The following CTIF variants were observed in gnomAD, a reference collection of about 807,000 sequenced individuals.
CTIF encodes cap binding complex dependent translation initiation factor, also known as CBP80/20-dependent translation initiation factor.
A neutral mutation model predicts 66.0 loss-of-function variants in CTIF; 21 were observed. The ratio of observed to expected loss-of-function variants is 0.32; its 90% confidence interval spans 0.23 to 0.46. The LOEUF is 0.46. Among genes scored for constraint, CTIF ranks in the 20% least tolerant of loss-of-function variants. The pLI, the probability that CTIF is intolerant of heterozygous loss-of-function variation, is 1.00. For synonymous variants in CTIF, 345 were observed against 326.4 expected (o/e 1.06, Z -0.62); for missense variants, 739 against 812.7 (o/e 0.91, Z 1.10).
At position 48,761,958 on chromosome 18, in the gene CTIF, T is replaced by C. The variant is rs749158719; in HGVS notation, c.1371+269T>C. ...TGTTTAACCAGCCTTTCCCACTTTC[T>C]ATTTTCATAAGAGGCTGGCTCTTGG... On this transcript the variant is annotated intron_variant, in intron 9 of 11. Transcript: ENST00000256413. This position sits in a 1 kb window ranked among gnomAD's most constrained non-coding sequence, Gnocchi z 4.2. Among the ~76,000 whole-genome samples, 3 of 152,238 alleles carry C rather than the reference T, an allele frequency of 2.0e-5. No individual in the cohort carries two copies. Among genetic ancestry groups the C allele is most frequent in the Admixed American group, 1.3e-4 (2 of 15,282 alleles).
chr18:48,570,591 G>T (rs2089394099), intron 1 of CTIF, among the ~76,000 whole-genome samples: 1 of 152,202 alleles, frequency 6.6e-6, no homozygotes, highest in Admixed American at 6.5e-5. Flanking sequence ...TGGGGGGTGG[G>T]GGGAGCAGTG....
At chr18:48,647,549 T>C (rs1009743668) in intron 3 of CTIF, among the ~76,000 whole-genome samples, 6 of 152,268 alleles carry the variant, frequency 3.9e-5, no homozygotes, top group African/African-American at 1.4e-4. Flanking sequence ...GTATTATTTT[T>C]TACAAGTATG....
chr18:48,592,278 C>T (rs917071013), intron 1 of CTIF, among the ~76,000 whole-genome samples: 5 of 151,936 alleles, frequency 3.3e-5, no homozygotes, highest in African/African-American at 7.3e-5. Context: ...CTGAGGTGGG[C>T]GGATCAACTG....
intron 6 of CTIF, chr18:48,673,767 A>G (rs543849125): frequency 3.3e-5 from 5 of 152,288 alleles, no homozygotes; most frequent in African/African-American, 9.6e-5. Context: ...GGCCCAAAAC[A>G]AATTTTTAAA....
chr18:48,631,856 G>C (rs2090723385), intron 2 of CTIF, among the ~76,000 whole-genome samples: 1 of 152,164 alleles, frequency 6.6e-6, no homozygotes, highest in African/African-American at 2.4e-5. Flanking sequence ...GCTCAAAGCT[G>C]TAAGCCTGTT....
chr18:48,656,524 T>C (rs982282126), intron 3 of CTIF, among the ~76,000 whole-genome samples: 2 of 152,172 alleles, frequency 1.3e-5, no homozygotes, highest in Non-Finnish European at 2.9e-5. Flanking sequence ...TGACCTCCCC[T>C]GAGCTGGGGA....
intron 1 of CTIF, among the ~76,000 whole-genome samples, chr18:48,577,330 T>A (rs1421741653): frequency 6.6e-6 from 1 of 152,124 alleles, no homozygotes; most frequent in Non-Finnish European, 1.5e-5. Context: ...CCAGAGACGG[T>A]GTGTAGGATC....
Position 48,732,149 on chromosome 18 carries a change from G to T in CTIF, c.584+20454G>T, listed in dbSNP as rs1257789063. The stretch of plus-strand genomic sequence containing the variant: ...ATTCACCTGGCCGCCGGGCTCACAT[G>T]CCTTTTGAGGCAGACCTAGGCCTAT... On this transcript the variant is annotated intron_variant, in intron 7 of 11. Transcript: ENST00000256413. Among the ~76,000 whole-genome samples the T allele has an allele frequency of 2.6e-5, 4 of 152,302 alleles. No homozygotes were observed. In the South Asian group the frequency reaches 8.3e-4, roughly 32 times the overall value.
intron 3 of CTIF, among the ~76,000 whole-genome samples, chr18:48,641,410 A>G (rs979076086): frequency 1.3e-5 from 2 of 152,230 alleles, no homozygotes; most frequent in Non-Finnish European, 2.9e-5. Flanking sequence ...AAGGTGATGA[A>G]ATCTTTGCTA....
intron 9 of CTIF, among the ~76,000 whole-genome samples, chr18:48,806,566 G>A (rs913864799): frequency 6.6e-6 from 1 of 152,166 alleles, no homozygotes; most frequent in Non-Finnish European, 1.5e-5. Context: ...GGTAGGGGCT[G>A]CCCATCTCCC....
chr18:48,807,095 G>T (rs2068162643), intron 9 of CTIF, among the ~76,000 whole-genome samples: 1 of 152,176 alleles, frequency 6.6e-6, no homozygotes, highest in Non-Finnish European at 1.5e-5. Context: ...TTGGCAGAAA[G>T]GACTCCTTGT....
At chr18:48,680,232 A>T (rs539575628) in intron 6 of CTIF, among the ~76,000 whole-genome samples, 1 of 152,350 alleles carries the variant, frequency 6.6e-6, no homozygotes, top group African/African-American at 2.4e-5. Flanking sequence ...GCCCCAGTGG[A>T]GAGGTCATCT....
At chr18:48,622,687 G>A (rs2090518525) in intron 2 of CTIF, among the ~76,000 whole-genome samples, 1 of 152,160 alleles carries the variant, frequency 6.6e-6, no homozygotes, top group South Asian at 2.1e-4. Context: ...AGGAGGATTA[G>A]GATAGATTGG....
At chr18:48,721,937 T>C (rs916916289) in intron 7 of CTIF, among the ~76,000 whole-genome samples, 1 of 152,088 alleles carries the variant, frequency 6.6e-6, no homozygotes, top group Non-Finnish European at 1.5e-5. Context: ...TTAGAGAGAG[T>C]GCGAGGTGAA....
chr18:48,541,927 G>A (rs1260204479), intron 1 of CTIF, among the ~76,000 whole-genome samples: 2 of 151,748 alleles, frequency 1.3e-5, no homozygotes, highest in African/African-American at 2.4e-5. Context: ...TGAACACACT[G>A]AGGCTCAAAA....
intron 7 of CTIF, among the ~76,000 whole-genome samples, chr18:48,716,619 G>A (rs1369128792): frequency 6.6e-6 from 1 of 152,012 alleles, no homozygotes; most frequent in Non-Finnish European, 1.5e-5. Flanking sequence ...TGCTCACAGC[G>A]GCCACCACCC....
chr18:48,607,854 C>T (rs1371518845), intron 1 of CTIF, among the ~76,000 whole-genome samples: 1 of 152,158 alleles, frequency 6.6e-6, no homozygotes, highest in Non-Finnish European at 1.5e-5. Context: ...TATCTTCAGC[C>T]AGGTTATGGT....
At chr18:48,733,577 C>G (rs535137255) in intron 7 of CTIF, among the ~76,000 whole-genome samples, 1 of 152,224 alleles carries the variant, frequency 6.6e-6, no homozygotes, top group South Asian at 2.1e-4. Context: ...TCTGGCCCCC[C>G]TCCCTGGCAG....
chr18:48,757,726 C>T (rs771748454), intron 7 of CTIF, among the ~76,000 whole-genome samples, 193 bp from the exon 8 acceptor site: 13 of 152,198 alleles, frequency 8.5e-5, no homozygotes, highest in Middle Eastern at 3.2e-3. Flanking sequence ...TAGCAAGGAC[C>T]GGTCTGCCTG....
Sources: allele counts gnomAD v4.1 joint callset (sites outside exome capture counted in the v4.1 genomes callset), GRCh38; gene constraint gnomAD v4.1.1; non-coding constraint Gnocchi (gnomAD v3.1); transcripts MANE v1.5; gene names NCBI Gene and HGNC (gene_info 2026-07-23, HGNC 2026-07-21).